Variants in STX8 observed in about 807,000 individuals in gnomAD.
STX8 encodes the protein syntaxin-8.
In STX8, 23 loss-of-function variants were observed where a neutral mutation model predicts 37.5. The observed-to-expected ratio is 0.61, with a 90% confidence interval of 0.44 to 0.87. The LOEUF (loss-of-function observed/expected upper bound fraction) is 0.87. STX8 is among the 40% of genes least tolerant of loss of function. The pLI is 0.00. For missense variants in STX8, 313 were observed against 284.7 expected (o/e 1.10, Z -0.71); for synonymous variants, 115 against 99.1 (o/e 1.16, Z -0.95).
intron 6 of STX8, among the ~76,000 whole-genome samples, chr17:9,384,758 AAC>A (rs1450658059): frequency 3.3e-5 from 5 of 151,948 alleles, no homozygotes; most frequent in African/African-American, 9.7e-5. Flanking sequence ...AATAAGGACA[AAC>A]ACATCAATGG....
intron 6 of STX8, among the ~76,000 whole-genome samples, chr17:9,378,923 T>C (rs1294614528): frequency 6.6e-6 from 1 of 152,104 alleles, no homozygotes; most frequent in Non-Finnish European, 1.5e-5. Context: ...GCCGAATTTA[T>C]GCCTAGCCAA....
chr17:9,432,037 C>A (rs1322495617), intron 6 of STX8, among the ~76,000 whole-genome samples: 2 of 152,142 alleles, frequency 1.3e-5, no homozygotes, highest in Non-Finnish European at 2.9e-5. Context: ...TTACACTTCA[C>A]CATCATTTTA....
chr17:9,412,984 G>T (rs1018897474), intron 6 of STX8, among the ~76,000 whole-genome samples: 9 of 152,182 alleles, frequency 5.9e-5, no homozygotes, highest in Non-Finnish European at 1.2e-4. Flanking sequence ...AGGACAAAGG[G>T]TGCCTATTTA....
At chr17:9,538,693 T>C (rs1194817924) in intron 4 of STX8, among the ~76,000 whole-genome samples, 2 of 152,196 alleles carry the variant, frequency 1.3e-5, no homozygotes, top group East Asian at 3.8e-4. Context: ...TATATCCTTC[T>C]TGACATACAA....
chr17:9,431,097 C>T (rs919563808), intron 6 of STX8, among the ~76,000 whole-genome samples: 1 of 151,780 alleles, frequency 6.6e-6, no homozygotes, highest in African/African-American at 2.4e-5. Flanking sequence ...ACCTCGTGAT[C>T]CACCTGCCTT....
intron 6 of STX8, among the ~76,000 whole-genome samples, chr17:9,447,078 G>T (rs1904877048): frequency 6.6e-6 from 1 of 152,118 alleles, no homozygotes; most frequent in Non-Finnish European, 1.5e-5. Context: ...CAAGAACTTG[G>T]ATTCTTTACC....
chr17:9,331,352 C>T (rs1310966897), intron 7 of STX8, among the ~76,000 whole-genome samples: 2 of 150,498 alleles, frequency 1.3e-5, no homozygotes, highest in African/African-American at 4.9e-5. Context: ...CAGAAACCCT[C>T]TCTCAGACAG....
chr17:9,425,477 C>T (rs773840321), intron 6 of STX8, among the ~76,000 whole-genome samples: 1 of 152,160 alleles, frequency 6.6e-6, no homozygotes, highest in Non-Finnish European at 1.5e-5. Flanking sequence ...ACACCTGAAG[C>T]AAGGTGGGGG....
intron 7 of STX8, chr17:9,377,879 C>G (rs991387739): frequency 7.2e-5 from 11 of 152,202 alleles, no homozygotes; most frequent in African/African-American, 2.7e-4. Flanking sequence ...TTTATCATCA[C>G]GTACCTTTGG....
chr17:9,292,877 C>A (rs1370541547), intron 7 of STX8, among the ~76,000 whole-genome samples: 2 of 152,214 alleles, frequency 1.3e-5, no homozygotes, highest in African/African-American at 4.8e-5. Flanking sequence ...CTATTCAGCT[C>A]TCATGCCCCC....
intron 7 of STX8, among the ~76,000 whole-genome samples, chr17:9,308,006 C>T (rs988352941): frequency 2.0e-5 from 3 of 152,074 alleles, no homozygotes; most frequent in African/African-American, 2.4e-5. Context: ...CGGAGGTTAG[C>T]GATAGAAAAG....
At position 9,441,629 on chromosome 17, in the gene STX8, C is replaced by T. The variant is rs998137597; in HGVS notation, c.541+50200G>A. 2.6e-5 allele frequency among the ~76,000 whole-genome samples: 4 copies of T among 151,860 alleles called. 1 individual carries two copies. In the East Asian group the frequency reaches 7.7e-4, roughly 29 times the overall value. On this transcript the variant is annotated intron_variant, in intron 6 of 7. Transcript: ENST00000306357. The stretch of plus-strand genomic sequence containing the variant: ...ATAATGGGGCTCCCCAAGGCGCTGC[C>T]CTAAGACGCTGAGCTCTTCTCCATC...
chr17:9,474,746 G>A (rs937033942), intron 6 of STX8, among the ~76,000 whole-genome samples: 21 of 152,362 alleles, frequency 1.4e-4, no homozygotes, highest in African/African-American at 4.8e-4. Context: ...GCTGAAGCGG[G>A]CAGATCATGA....
chr17:9,387,552 C>T (rs981916838), intron 6 of STX8, among the ~76,000 whole-genome samples: 2 of 152,176 alleles, frequency 1.3e-5, no homozygotes, highest in Non-Finnish European at 2.9e-5. Context: ...CTTGGCCTTC[C>T]AAAGTGCTGG....
At chr17:9,442,837 ATAT>A (rs1904716800) in intron 6 of STX8, among the ~76,000 whole-genome samples, 1 of 152,208 alleles carries the variant, frequency 6.6e-6, no homozygotes, top group Non-Finnish European at 1.5e-5. Flanking sequence ...GTGGTGTGGT[ATAT>A]TATTAGCAGC....
At chr17:9,264,173 C>T (rs918741491) in intron 7 of STX8, among the ~76,000 whole-genome samples, 2 of 152,202 alleles carry the variant, frequency 1.3e-5, no homozygotes, top group Non-Finnish European at 2.9e-5. Flanking sequence ...CCAGCTTCAC[C>T]ACTATACTGA....
intron 6 of STX8, among the ~76,000 whole-genome samples, chr17:9,447,900 C>T (rs1225070450): frequency 2.0e-5 from 3 of 151,842 alleles, no homozygotes; most frequent in Admixed American, 2.0e-4. Flanking sequence ...TATGGTTGGC[C>T]AGGTGCGGTG....
rs200162598 is a variant in STX8, at chr17:9,303,451, AGT to A, written c.644-52808_644-52807del. 1.4e-3 allele frequency among the ~76,000 whole-genome samples: 210 copies of A among 151,698 alleles called. 8 individuals carry two copies. The East Asian group carries it at 0.032, about 23-fold the overall frequency. On this transcript the variant is annotated intron_variant, in intron 7 of 7. Coordinates refer to ENST00000306357, the MANE Select transcript of STX8 (RefSeq NM_004853.3). ...CTCTCTGTTGTAGTACCTTTACCCTAGTGTGTGTGTGTGTATGTGTATGTGTT... is the reference window on the plus strand; with the variant it reads ...CTCTCTGTTGTAGTACCTTTACCCTAGTGTGTGTGTGTATGTGTATGTGTT...
chr17:9,455,075 G>GT (rs1905150057), intron 6 of STX8, among the ~76,000 whole-genome samples: 1 of 152,042 alleles, frequency 6.6e-6, no homozygotes, highest in African/African-American at 2.4e-5. Context: ...AATTAGCCAG[G>GT]TGTGGTGGTG....
Sources: gnomAD v4.1 joint callset for allele counts (sites outside exome capture counted in the v4.1 genomes callset) on GRCh38, gnomAD v4.1.1 for gene constraint, MANE v1.5 for transcripts, NCBI Gene and HGNC (gene_info 2026-07-23, HGNC 2026-07-21) for gene names.